CYP2F1: variants seen among roughly 807,000 people sequenced by gnomAD.
CYP2F1 encodes the protein cytochrome P450 2F1.
CYP2F1 carries 33 observed loss-of-function variants against 40.4 expected under a neutral mutation model. The ratio of observed to expected loss-of-function variants is 0.82; its 90% CI spans 0.62 to 1.09. CYP2F1 has a LOEUF of 1.09. CYP2F1 is among the 50% of genes least tolerant of loss of function. The pLI, the probability that CYP2F1 is intolerant of heterozygous loss-of-function variation, is 0.00. For synonymous variants in CYP2F1, 235 were observed against 277.2 expected, an observed-to-expected ratio of 0.85 and a Z score of 1.51; for missense variants, 566 against 655.7, an observed-to-expected ratio of 0.86 and a Z score of 1.49.
intron 3 of CYP2F1, among the ~76,000 whole-genome samples, chr19:41,119,687 C>A (rs1420388616): frequency 5.1e-4 from 4 of 7,884 alleles, no homozygotes; most frequent in African/African-American, 2.0e-3. Flanking sequence ...GACTCCGTCT[C>A]TCTCTCTCTC....
In CYP2F1 at chr19:41,116,336, G is replaced by C. The variant is rs115815874; in HGVS notation, c.148G>C (p.Asp50His). 2.0e-5 allele frequency: 32 copies of C among 1,614,108 alleles called. No individual in the cohort carries two copies. The African/African-American group carries it at 3.3e-4, about 17-fold the overall frequency. ...LGNLLLLCSQDMLTSLTKLSK... is the reference protein window; with the variant it reads ...LGNLLLLCSQHMLTSLTKLSK... ...AAACCTGCTGCTGCTTTGCTCCCAA[G>C]ACATGCTGACTTCTCTCACTAAGGT... Residue 50 changes from aspartate to histidine, a missense_variant, in exon 2 of 10, where the codon GAC becomes CAC. By Grantham distance (81) the Asp-to-His change is moderately conservative (BLOSUM62 -1). This residue lies in a region of CYP2F1 where 264 missense variants were observed against 275.7 expected (regional missense o/e 0.96). Coordinates refer to ENST00000331105, the MANE Select transcript of CYP2F1 (RefSeq NM_000774.5).
In CYP2F1 at chr19:41,120,323, C is replaced by T. The variant is rs771290566; in HGVS notation, c.335-24C>T. On this transcript the variant is annotated intron_variant, in intron 3 of 9. Coordinates refer to ENST00000331105, the MANE Select transcript of CYP2F1 (RefSeq NM_000774.5). ...GCCTCAGGATGAGTTCCCGGTTAAG[C>T]TGGTCCCCTCCTCTTCTCCCCAGGC... The T allele has an allele frequency of 3.8e-6, 6 of 1,567,656 alleles. No homozygotes were observed. In the East Asian group the frequency reaches 1.1e-4, roughly 30 times the overall value.
rs1054190602 is a variant in CYP2F1 at position 41,121,889 on chromosome 19, C to T, written c.646-68C>T. The stretch of plus-strand genomic sequence containing the variant: ...CCTGTCCCTGCCTACCTAATCCACA[C>T]TGACCCCATTCGCCCCTGAACACCC... On this transcript the variant is annotated intron_variant, in intron 5 of 9. Coordinates refer to ENST00000331105, the MANE Select transcript of CYP2F1 (RefSeq NM_000774.5). 9.5e-5 allele frequency: 141 copies of T among 1,481,426 alleles called. 2 individuals are homozygous for T. The African/African-American group carries it at 1.5e-3, about 16-fold the overall frequency. 91.8% of individuals were successfully genotyped at this position (1,481,426 alleles called of 1,614,324 possible).
At chr19:41,116,077 T>C in intron 1 of CYP2F1, 101 bp from the exon 2 acceptor site, 1 of 1,141,042 alleles carries the variant, frequency 8.8e-7, no homozygotes, top group South Asian at 1.6e-5. Context: ...CTTCTCTCCA[T>C]CTGCCTTCAT....
intron 7 of CYP2F1, among the ~76,000 whole-genome samples, chr19:41,124,255 C>CCCCACTT (rs1568381420): frequency 2.8e-5 from 1 of 35,278 alleles, no homozygotes; most frequent in African/African-American, 1.2e-4. Context: ...TCCCCCCCCC[C>CCCCACTT]TTTTTTTTTT....
chr19:41,116,081 C>T, intron 1 of CYP2F1, 97 bp from the exon 2 acceptor site: 1 of 1,180,840 alleles, frequency 8.5e-7, no homozygotes, highest in Non-Finnish European at 1.2e-6. Context: ...TCTCCATCTG[C>T]CTTCATTTCC....
At chr19:41,116,110 G>T in intron 1 of CYP2F1, 68 bp from the exon 2 acceptor site, 1 of 1,443,116 alleles carries the variant, frequency 6.9e-7, no homozygotes, top group Non-Finnish European at 9.4e-7. Flanking sequence ...GGGAAGGTAA[G>T]TCCCAGGGGA....
intron 5 of CYP2F1, 88 bp from the exon 6 acceptor site, chr19:41,121,869 C>T (rs1241590824): frequency 8.4e-6 from 11 of 1,302,268 alleles, no homozygotes; most frequent in East Asian, 4.8e-5. Flanking sequence ...GAGACCCTGT[C>T]CCTGCCTACC....
intron 9 of CYP2F1, among the ~76,000 whole-genome samples, chr19:41,126,860 G>A (rs1289444035): frequency 6.6e-6 from 1 of 152,124 alleles, no homozygotes; most frequent in Non-Finnish European, 1.5e-5. Flanking sequence ...ACTGGGTGGC[G>A]CAGTTGAGGT....
intron 3 of CYP2F1, among the ~76,000 whole-genome samples, chr19:41,118,406 G>T (rs2031947561): frequency 6.6e-6 from 1 of 152,112 alleles, no homozygotes; most frequent in Admixed American, 6.6e-5. Context: ...AATGTCTAGG[G>T]CTCTCCCTGG....
intron 9 of CYP2F1, among the ~76,000 whole-genome samples, chr19:41,126,196 C>T (rs1248962638): frequency 2.0e-5 from 3 of 151,534 alleles, no homozygotes; most frequent in Non-Finnish European, 4.4e-5. Flanking sequence ...GAGATCTAGG[C>T]GGGCAGATTA....
At chr19:41,116,433 A>G (rs757071675) in intron 2 of CYP2F1, 22 bp from the exon 3 acceptor site, 4 of 1,607,716 alleles carry the variant, frequency 2.5e-6, no homozygotes, top group Non-Finnish European at 2.6e-6. Flanking sequence ...CCCCCCTGTA[A>G]CTTCTGTCTT....
At chr19:41,126,056 C>A (rs11879517) in intron 9 of CYP2F1, among the ~76,000 whole-genome samples, 9,929 of 151,810 alleles carry the variant, frequency 0.065, 754 homozygotes, top group African/African-American at 0.19. Flanking sequence ...TCACTTGAAC[C>A]CAGGAGGCGG....
chr19:41,120,210 C>A, intron 3 of CYP2F1, 137 bp from the exon 4 acceptor site: 1 of 789,752 alleles, frequency 1.3e-6, no homozygotes, highest in Non-Finnish European at 2.0e-6. Flanking sequence ...CTGGAGGGTC[C>A]AGAAGGGCTT....
intron 3 of CYP2F1, among the ~76,000 whole-genome samples, 155 bp from the exon 4 acceptor site, chr19:41,120,192 C>T (rs138627154): frequency 1.0e-3 from 153 of 152,092 alleles, no homozygotes; most frequent in African/African-American, 3.5e-3. Flanking sequence ...TTGAAGGAGA[C>T]CCCTAAGCTG....
In CYP2F1 at chr19:41,128,133, G is replaced by C. The variant is rs1216850123; in HGVS notation, c.*51G>C. 6.5e-7 allele frequency: 1 copy of C among 1,541,034 alleles called. No individual in the cohort carries two copies. Among genetic ancestry groups the C allele is most frequent in the South Asian group, 1.2e-5 (1 of 83,694 alleles). The stretch of plus-strand genomic sequence containing the variant: ...GTGAGCGATGAGGCCCGCCCATGCG[G>C]GTTGCTACGTCCCCTTCTTGGTCCA... On this transcript the variant is annotated 3_prime_UTR_variant, in exon 10 of 10. Coordinates refer to ENST00000331105, the MANE Select transcript of CYP2F1 (RefSeq NM_000774.5).
rs1337166345 is a variant in CYP2F1, at chr19:41,119,748, T to TATACACAC, written c.335-598_335-597insTACACACA. 1.9e-3 allele frequency among the ~76,000 whole-genome samples: 69 copies of TATACACAC among 36,096 alleles called. 1 individual carries two copies. Among genetic ancestry groups the TATACACAC allele is most frequent in the East Asian group, 6.2e-3 (5 of 810 alleles). 23.7% of individuals were successfully genotyped at this position (36,096 alleles called of 152,430 possible). Reference sequence around the variant, plus strand: ...CTATATATATATATATATATATATATACACACACACACACACACACACACA... The same window carrying TATACACAC: ...CTATATATATATATATATATATATATATACACACACACACACACACACACACACACACA... On this transcript the variant is annotated intron_variant, in intron 3 of 9. Transcript: ENST00000331105.
intron 7 of CYP2F1, among the ~76,000 whole-genome samples, chr19:41,124,261 T>C (rs1396699236): frequency 4.7e-5 from 5 of 106,076 alleles, no homozygotes; most frequent in Non-Finnish European, 9.5e-5. Context: ...CCCCCTTTTT[T>C]TTTTTTTTTT....
chr19:41,119,186 C>G (rs2144749561), intron 3 of CYP2F1, among the ~76,000 whole-genome samples: 1 of 152,256 alleles, frequency 6.6e-6, no homozygotes, highest in Middle Eastern at 3.4e-3. Flanking sequence ...TGAAAGTGCT[C>G]TGGGAAAGAC....
Sources: allele counts gnomAD v4.1 joint callset (sites outside exome capture counted in the v4.1 genomes callset), GRCh38; gene constraint gnomAD v4.1.1; regional missense constraint gnomAD v4.1.1; transcripts MANE v1.5; gene names NCBI Gene and HGNC (gene_info 2026-07-23, HGNC 2026-07-21).